Variants in SH2D1B observed in about 807,000 individuals in gnomAD.
SH2D1B encodes SH2 domain-containing protein 1B.
A neutral mutation model predicts 16.3 loss-of-function variants in SH2D1B; 11 were observed. That is an observed-to-expected ratio of 0.67 (90% CI 0.42 to 1.11). The LOEUF is 1.11. Among genes scored for constraint, SH2D1B ranks in the 50% most tolerant of loss-of-function variants. SH2D1B has a pLI of 0.00. For missense variants in SH2D1B, 123 were observed against 153.1 expected (o/e 0.80, Z 1.04); for synonymous variants, 55 against 56.1 (o/e 0.98, Z 0.09).
At chr1:162,402,705 G>GTGT (rs769386626) in intron 2 of SH2D1B, 34 bp downstream of exon 2, 6 of 1,566,860 alleles carry the variant, frequency 3.8e-6, no homozygotes, top group South Asian at 1.1e-5. Flanking sequence ...CCCAACTTTT[G>GTGT]TGTTGTTGTT....
intron 1 of SH2D1B, among the ~76,000 whole-genome samples, chr1:162,409,473 T>C (rs552486758): frequency 6.6e-6 from 1 of 152,318 alleles, no homozygotes; most frequent in East Asian, 1.9e-4. Context: ...AGGAACCTTG[T>C]ATGTAAATCC....
chr1:162,409,980 T>C (rs1648755010), intron 1 of SH2D1B, among the ~76,000 whole-genome samples: 1 of 152,354 alleles, frequency 6.6e-6, no homozygotes, highest in Admixed American at 6.5e-5. Context: ...TGTATTCTAT[T>C]AGTAATGACA....
chr1:162,396,395 A>T lies in SH2D1B; in HGVS notation c.*885T>A, dbSNP rs917859442. On this transcript the variant is annotated 3_prime_UTR_variant, in exon 4 of 4. Coordinates refer to ENST00000367929, the MANE Select transcript of SH2D1B (RefSeq NM_053282.5). ...ATGTGCTTCCAGTCAGTTTCTATGAACTAGGCACAGCTCTGGGCAGCACAA... is the reference window on the plus strand; with the variant it reads ...ATGTGCTTCCAGTCAGTTTCTATGATCTAGGCACAGCTCTGGGCAGCACAA... The T allele has an allele frequency of 8.5e-5, 13 of 152,246 alleles. No homozygotes were observed. Among genetic ancestry groups the T allele is most frequent in the African/African-American group, 3.1e-4 (13 of 41,458 alleles). 9.4% of individuals were successfully genotyped at this position (152,246 alleles called of 1,614,324 possible). A position where few individuals can be genotyped will look rare whatever the true frequency, so the allele number is the denominator to read the frequency against.
intron 1 of SH2D1B, among the ~76,000 whole-genome samples, chr1:162,406,850 C>T (rs1281196398): frequency 6.6e-6 from 1 of 152,210 alleles, no homozygotes; most frequent in African/African-American, 2.4e-5. Flanking sequence ...TTCACACTTG[C>T]AGATGAATCC....
In SH2D1B at chr1:162,412,134, T is replaced by C; in HGVS notation, c.-118A>G. The stretch of plus-strand genomic sequence containing the variant: ...TACCTCCTGTGGAGCTACCTCTTCC[T>C]CTAGCGGTCTGTGGGACTCAGCCAG... On this transcript the variant is annotated 5_prime_UTR_variant, in exon 1 of 4. Coordinates refer to ENST00000367929, the MANE Select transcript of SH2D1B (RefSeq NM_053282.5). The C allele has an allele frequency of 3.0e-6, 4 of 1,344,534 alleles. No individual in the cohort carries two copies. The highest frequency in any genetic ancestry group is 3.1e-6 in the Non-Finnish European group (3 of 972,136). The allele number at this position is 1,344,534 out of a possible 1,614,324, so 83.3% of individuals were successfully genotyped here.
chr1:162,405,958 A>G (rs775358209), intron 1 of SH2D1B, among the ~76,000 whole-genome samples: 7 of 152,222 alleles, frequency 4.6e-5, no homozygotes, highest in African/African-American at 7.2e-5. Context: ...GTTTGTGTTC[A>G]AGTTTTTATT....
intron 1 of SH2D1B, 124 bp from the exon 2 acceptor site, chr1:162,402,926 T>TTGA (rs1648556931): frequency 1.0e-5 from 7 of 695,534 alleles, no homozygotes; most frequent in South Asian, 1.9e-5. Flanking sequence ...TTTTTTTTTC[T>TTGA]GGGACGGAAT....
At chr1:162,400,337 G>T (rs550649730) in intron 2 of SH2D1B, among the ~76,000 whole-genome samples, 2 of 145,952 alleles carry the variant, frequency 1.4e-5, no homozygotes, top group African/African-American at 5.1e-5. Flanking sequence ...TGTGGCCCAG[G>T]CTGGAGTGCA....
chr1:162,401,045 G>C (rs988704662), intron 2 of SH2D1B, among the ~76,000 whole-genome samples: 7 of 152,212 alleles, frequency 4.6e-5, no homozygotes, highest in Non-Finnish European at 5.9e-5. Flanking sequence ...TCAGACTAGA[G>C]AAAGGGGTTG....
chr1:162,402,665 G>A, intron 2 of SH2D1B, 74 bp downstream of exon 2: 2 of 1,266,306 alleles, frequency 1.6e-6, no homozygotes, highest in South Asian at 1.2e-5. Flanking sequence ...TCATGGCTCA[G>A]GTAAAAGACA....
At chr1:162,400,177 G>T (rs973963490) in intron 2 of SH2D1B, among the ~76,000 whole-genome samples, 1 of 151,926 alleles carries the variant, frequency 6.6e-6, no homozygotes, top group African/African-American at 2.4e-5. Flanking sequence ...TCTCCATGTG[G>T]GCAAAACAAA....
chr1:162,398,112 C>G (rs141510128), intron 3 of SH2D1B, among the ~76,000 whole-genome samples: 1 of 152,196 alleles, frequency 6.6e-6, no homozygotes, highest in East Asian at 1.9e-4. Context: ...GTGACTTTGC[C>G]GCAGACAGAG....
intron 2 of SH2D1B, among the ~76,000 whole-genome samples, chr1:162,400,729 C>T (rs1648497637): frequency 6.6e-6 from 1 of 152,030 alleles, no homozygotes. Flanking sequence ...GGGTGGATCA[C>T]TTGAGGTCAG....
chr1:162,398,528 A>G (rs1416080660), intron 3 of SH2D1B, among the ~76,000 whole-genome samples: 1 of 152,216 alleles, frequency 6.6e-6, no homozygotes, highest in Non-Finnish European at 1.5e-5. Context: ...TTTATAAATG[A>G]ATGCTTAGCA....
chr1:162,402,314 C>T (rs915994172), intron 2 of SH2D1B, among the ~76,000 whole-genome samples: 5 of 152,004 alleles, frequency 3.3e-5, no homozygotes, highest in African/African-American at 9.7e-5. Context: ...AGATCGAGAC[C>T]ATCCTGTCTA....
At chr1:162,403,205 T>C (rs991860067) in intron 1 of SH2D1B, among the ~76,000 whole-genome samples, 1 of 152,022 alleles carries the variant, frequency 6.6e-6, no homozygotes, top group Non-Finnish European at 1.5e-5. Flanking sequence ...AAAATAGAAT[T>C]ACTGGCCGGG....
rs762070961 is a variant in SH2D1B, at chr1:162,411,897, C to T, written c.120G>A (p.Leu40=). Residue 40 remains leucine, a synonymous_variant, in exon 1 of 4, where the codon CTG becomes CTA. Coordinates refer to ENST00000367929, the MANE Select transcript of SH2D1B (RefSeq NM_053282.5). ...AGGCTACTCACGAGACACAGAGGCA[C>T]AGGACTCCTGGTATCGACTCGCTGT... ...LRDSESIPGV[L]CLCVSFKNIV... 4 of 1,614,176 alleles carry T rather than the reference C, an allele frequency of 2.5e-6. No individual in the cohort carries two copies. Among genetic ancestry groups the T allele is most frequent in the Non-Finnish European group, 3.4e-6 (4 of 1,180,050 alleles).
Position 162,395,960 on chromosome 1 carries a change from C to T in SH2D1B, c.*1320G>A, listed in dbSNP as rs913582920. On this transcript the variant is annotated 3_prime_UTR_variant, in exon 4 of 4. Transcript: ENST00000367929. Reference sequence around the variant, plus strand: ...CAAAAAGAGGTTTTAAGCAATTTCACGTATTTATTATAAAATGTATATAGA... The same window carrying T: ...CAAAAAGAGGTTTTAAGCAATTTCATGTATTTATTATAAAATGTATATAGA... 5.3e-5 allele frequency: 8 copies of T among 152,148 alleles called. No individual in the cohort carries two copies. The highest frequency in any genetic ancestry group is 1.9e-4 in the African/African-American group (8 of 41,438). 9.4% of individuals were successfully genotyped at this position (152,148 alleles called of 1,614,324 possible). A position where few individuals can be genotyped will look rare whatever the true frequency, so the allele number is the denominator to read the frequency against.
intron 1 of SH2D1B, among the ~76,000 whole-genome samples, chr1:162,405,415 TGTCA>T (rs1385107216): frequency 6.6e-6 from 1 of 152,250 alleles, no homozygotes; most frequent in East Asian, 1.9e-4. Flanking sequence ...TTTTATTTTA[TGTCA>T]GTGATACCTC....
Sources: allele counts gnomAD v4.1 joint callset (sites outside exome capture counted in the v4.1 genomes callset), GRCh38; gene constraint gnomAD v4.1.1; transcripts MANE v1.5; gene names NCBI Gene and HGNC (gene_info 2026-07-23, HGNC 2026-07-21).